The following ESYT2 variants were observed in gnomAD, a reference collection of about 807,000 sequenced individuals.
ESYT2 encodes the protein extended synaptotagmin 2, also known as extended synaptotagmin-2.
A neutral mutation model predicts 107.2 loss-of-function variants in ESYT2; 54 were observed. The observed-to-expected ratio is 0.50, with a 90% CI of 0.40 to 0.63. The LOEUF is 0.63. ESYT2 is among the 30% of genes least tolerant of loss of function. The probability of loss-of-function intolerance (pLI) is 0.00; values close to 1 mark genes in which losing one functional copy is unlikely to be tolerated. For synonymous variants in ESYT2, 491 were observed against 434.1 expected, an observed-to-expected ratio of 1.13 and a Z score of -1.63; for missense variants, 1,020 against 1,094.5, an observed-to-expected ratio of 0.93 and a Z score of 0.96.
chr7:158,739,444 T>TCAAGCGATTCTCCTGCCTC (rs1837108589), intron 18 of ESYT2, among the ~76,000 whole-genome samples: 1 of 152,144 alleles, frequency 6.6e-6, no homozygotes, highest in African/African-American at 2.4e-5. Flanking sequence ...CCTCCTGGGT[T>TCAAGCGATTCTCCTGCCTC]CAAGCGATTC....
At chr7:158,739,727 C>T (rs542619726) in intron 18 of ESYT2, among the ~76,000 whole-genome samples, 8 of 152,238 alleles carry the variant, frequency 5.3e-5, no homozygotes, top group Admixed American at 5.2e-4. Flanking sequence ...GTGAGTGGAC[C>T]CAGGGGACCC....
chr7:158,826,115 GACCACCCCC>G (rs1840432817), intron 1 of ESYT2, among the ~76,000 whole-genome samples: 1 of 151,262 alleles, frequency 6.6e-6, no homozygotes, highest in African/African-American at 2.4e-5. Context: ...GATGTGCTTT[GACCACCCCC>G]ACCACCCCTG....
rs780975346 is a variant in ESYT2, at chr7:158,761,457, C to A, written c.1233+39G>T. On this transcript the variant is annotated intron_variant, in intron 11 of 22. Coordinates refer to ENST00000275418, the MANE Select transcript of ESYT2 (RefSeq NM_001367773.1). ...CTCTGGCACAGGGCAGGGACTCAGTCAACAATTGTAAACAGACCCACACTC... is the reference window on the plus strand; with the variant it reads ...CTCTGGCACAGGGCAGGGACTCAGTAAACAATTGTAAACAGACCCACACTC... 96 of 1,607,432 alleles carry A rather than the reference C, an allele frequency of 6.0e-5. 1 individual carries two copies. In the South Asian group the frequency reaches 9.7e-4, roughly 16 times the overall value.
intron 6 of ESYT2, among the ~76,000 whole-genome samples, chr7:158,785,569 T>A (rs1839083194): frequency 6.6e-6 from 1 of 152,208 alleles, no homozygotes; most frequent in South Asian, 2.1e-4. Context: ...TACTAAGCAG[T>A]TTACATTCAT....
Position 158,762,666 on chromosome 7 carries a change from T to C in ESYT2, c.1184+417A>G, listed in dbSNP as rs148611621. 1.4e-3 allele frequency among the ~76,000 whole-genome samples: 219 copies of C among 152,346 alleles called. 1 individual carries two copies. Among genetic ancestry groups the C allele is most frequent in the African/African-American group, 4.8e-3 (199 of 41,572 alleles). On this transcript the variant is annotated intron_variant, in intron 10 of 22. Coordinates refer to ENST00000275418, the MANE Select transcript of ESYT2 (RefSeq NM_001367773.1). The stretch of plus-strand genomic sequence containing the variant: ...TTTATTTTCCCAATGTGAATTACTA[T>C]ATCCTGACAAAAATTAATCCAGCAA...
Position 158,748,273 on chromosome 7 carries a change from T to C in ESYT2, c.1565A>G (p.Tyr522Cys). Reference sequence around the variant, plus strand: ...CTCCCACACAGGTTCATTGGTTTTGTATCGAATCTAGAAGAAATATCCAAA... The same window carrying C: ...CTCCCACACAGGTTCATTGGTTTTGCATCGAATCTAGAAGAAATATCCAAA... ...GHKAQESKIR[Y>C]KTNEPVWEEN... The change falls in exon 16 of 23, where the codon TAC (tyrosine) becomes TGC (cysteine). Residue 522 changes from tyrosine to cysteine, a missense_variant. Coordinates refer to ENST00000275418, the MANE Select transcript of ESYT2 (RefSeq NM_001367773.1). 6.2e-7 allele frequency: 1 copy of C among 1,613,804 alleles called. No homozygotes were observed. Among genetic ancestry groups the C allele is most frequent in the East Asian group, 2.2e-5 (1 of 44,870 alleles).
intron 3 of ESYT2, 70 bp from the exon 4 acceptor site, chr7:158,793,796 T>C (rs1839379591): frequency 1.7e-6 from 2 of 1,200,760 alleles, no homozygotes; most frequent in Non-Finnish European, 1.2e-6. Context: ...TAACATACCA[T>C]AGAGACAAAC....
intron 6 of ESYT2, among the ~76,000 whole-genome samples, chr7:158,778,542 T>C (rs1838651520): frequency 6.6e-6 from 1 of 151,564 alleles, no homozygotes; most frequent in African/African-American, 2.4e-5. Flanking sequence ...AATAAAAGAA[T>C]CTCCTCCTAT....
intron 6 of ESYT2, among the ~76,000 whole-genome samples, chr7:158,776,459 T>A (rs1349011623): frequency 6.6e-6 from 1 of 152,266 alleles, no homozygotes; most frequent in African/African-American, 2.4e-5. Flanking sequence ...ATCTTCTGGA[T>A]AACTTGCTAT....
chr7:158,820,845 C>T (rs1443338784), intron 1 of ESYT2, among the ~76,000 whole-genome samples: 24 of 152,188 alleles, frequency 1.6e-4, no homozygotes, highest in Admixed American at 1.6e-3. Context: ...ATGACTAATG[C>T]TAGGATTAAA....
intron 1 of ESYT2, among the ~76,000 whole-genome samples, chr7:158,811,711 G>C (rs911209222): frequency 6.6e-6 from 1 of 152,190 alleles, no homozygotes; most frequent in Non-Finnish European, 1.5e-5. Context: ...TGTGCTACAA[G>C]AGGTTGAGAA....
chr7:158,772,837 G>T (rs1838419755), intron 7 of ESYT2, among the ~76,000 whole-genome samples: 1 of 149,004 alleles, frequency 6.7e-6, no homozygotes, highest in African/African-American at 2.5e-5. Context: ...GAGTTCTGGC[G>T]AAGTCCAGAA....
At chr7:158,736,000 C>T (rs1836930761) in intron 20 of ESYT2, among the ~76,000 whole-genome samples, 1 of 152,124 alleles carries the variant, frequency 6.6e-6, no homozygotes, top group African/African-American at 2.4e-5. Context: ...AGTCTTCAGG[C>T]CCTATTCCCA....
chr7:158,741,833 G>T lies in ESYT2; in HGVS notation c.1858C>A (p.Pro620Thr). The change falls in exon 18 of 23, where the codon CCC becomes ACC. Residue 620 changes from proline to threonine, a missense_variant. Coordinates refer to ENST00000275418, the MANE Select transcript of ESYT2 (RefSeq NM_001367773.1). Reference protein sequence around the residue: ...DHQHSAQVKRPSVSKEGRKTS... With the variant: ...DHQHSAQVKRTSVSKEGRKTS... Reference sequence around the variant, plus strand: ...TTCCTCCCCTCTTTGGACACAGAGGGACGTTTGACTTGAGCTGAGTGTTGG... The same window carrying T: ...TTCCTCCCCTCTTTGGACACAGAGGTACGTTTGACTTGAGCTGAGTGTTGG... 6.2e-7 allele frequency: 1 copy of T among 1,614,066 alleles called. No homozygotes were observed. Among genetic ancestry groups the T allele is most frequent in the Non-Finnish European group, 8.5e-7 (1 of 1,179,980 alleles).
intron 19 of ESYT2, among the ~76,000 whole-genome samples, chr7:158,738,439 T>C (rs569003260): frequency 6.6e-6 from 1 of 151,958 alleles, no homozygotes; most frequent in South Asian, 2.1e-4. Flanking sequence ...CTGTAGGCAA[T>C]TGTGACATAT....
intron 6 of ESYT2, among the ~76,000 whole-genome samples, chr7:158,777,768 T>G (rs1838621422): frequency 6.6e-6 from 1 of 152,172 alleles, no homozygotes; most frequent in Non-Finnish European, 1.5e-5. Context: ...TAATCCGCCA[T>G]CTTACACAGG....
At chr7:158,741,971 G>A (rs1188346829) in intron 17 of ESYT2, 75 bp from the exon 18 acceptor site, 1 of 1,443,214 alleles carries the variant, frequency 6.9e-7, no homozygotes, top group Non-Finnish European at 9.2e-7. Flanking sequence ...AGCCTGGGAT[G>A]TCTTTACCTG....
At chr7:158,794,464 T>A (rs188221418) in intron 3 of ESYT2, among the ~76,000 whole-genome samples, 1 of 152,218 alleles carries the variant, frequency 6.6e-6, no homozygotes, top group African/African-American at 2.4e-5. Flanking sequence ...ACTGCACTCC[T>A]GACTAGGCAA....
chr7:158,801,417 G>T (rs1432899510), intron 1 of ESYT2, among the ~76,000 whole-genome samples: 2 of 152,166 alleles, frequency 1.3e-5, no homozygotes, highest in African/African-American at 4.8e-5. Context: ...TATCAGATTT[G>T]AACAAAGCAA....
Sources: allele counts gnomAD v4.1 joint callset (sites outside exome capture counted in the v4.1 genomes callset), GRCh38; gene constraint gnomAD v4.1.1; transcripts MANE v1.5; gene names NCBI Gene and HGNC (gene_info 2026-07-23, HGNC 2026-07-21).